Variants in TELO2 observed in about 807,000 individuals in gnomAD.
TELO2 encodes telomere length regulation protein TEL2 homolog.
TELO2 carries 71 observed loss-of-function variants against 91.0 expected under a neutral mutation model. The observed-to-expected ratio is 0.78, with a 90% confidence interval of 0.64 to 0.95. TELO2 has a LOEUF of 0.95. Ranked by LOEUF, TELO2 falls within the 40% of genes least tolerant of loss-of-function variation. The probability of loss-of-function intolerance (pLI) is 0.00; values close to 1 mark genes in which losing one functional copy is unlikely to be tolerated. For missense variants in TELO2, 1,183 were observed against 1,141.3 expected (o/e 1.04, Z -0.53); for synonymous variants, 584 against 518.9 (o/e 1.13, Z -1.71).
chr16:1,495,141 T>C (rs575189447), intron 2 of TELO2, among the ~76,000 whole-genome samples: 1 of 152,330 alleles, frequency 6.6e-6, no homozygotes, highest in South Asian at 2.1e-4. Flanking sequence ...GGGAAGCCGC[T>C]CAGGGCCCCG....
At position 1,505,208 on chromosome 16, in the gene TELO2, C is replaced by T. The variant is rs1314687963; in HGVS notation, c.1843-202C>T. ...TGTTCTCATCTCCTGGAGCACGGTG[C>T]CCACCTTCCCCACCTTCCCGCCTAC... On this transcript the variant is annotated intron_variant, in intron 15 of 20. Transcript: ENST00000262319. This position sits in a 1 kb window ranked among gnomAD's most constrained non-coding sequence, Gnocchi z 4.3. 3.7e-5 allele frequency: 22 copies of T among 597,070 alleles called. No individual in the cohort carries two copies. The East Asian group carries it at 5.4e-4, about 15-fold the overall frequency. The allele number at this position is 597,070 out of a possible 1,614,324, so 37.0% of individuals were successfully genotyped here. A position where few individuals can be genotyped will look rare whatever the true frequency, so the allele number is the denominator to read the frequency against.
chr16:1,495,636 C>T lies in TELO2; in HGVS notation c.613+13C>T. ...GACTCTCTCCAAGGTGAGGCCCTGCCTCGGGGACCCCCTTTGCCACCCGTC... is the reference window on the plus strand; with the variant it reads ...GACTCTCTCCAAGGTGAGGCCCTGCTTCGGGGACCCCCTTTGCCACCCGTC... On this transcript the variant is annotated intron_variant, in intron 3 of 20. Coordinates refer to ENST00000262319, the MANE Select transcript of TELO2 (RefSeq NM_016111.4). 1.3e-6 allele frequency: 2 copies of T among 1,572,192 alleles called. No individual in the cohort carries two copies. Among genetic ancestry groups the T allele is most frequent in the Non-Finnish European group, 1.7e-6 (2 of 1,154,900 alleles).
intron 6 of TELO2, among the ~76,000 whole-genome samples, chr16:1,499,803 G>A (rs966427118): frequency 3.3e-5 from 5 of 152,372 alleles, no homozygotes; most frequent in Non-Finnish European, 5.9e-5. Context: ...GAGAACTTAA[G>A]ATGGCGAGGC....
chr16:1,506,642 C>A (rs1003736740), intron 17 of TELO2: 2 of 1,377,726 alleles, frequency 1.5e-6, no homozygotes. Context: ...TCAGCCGGCG[C>A]TGCACTGGCC....
chr16:1,501,851 G>T, intron 11 of TELO2, 78 bp downstream of exon 11: 3 of 1,500,098 alleles, frequency 2.0e-6, no homozygotes, highest in Admixed American at 3.7e-5. Context: ...CTGCGGCCCC[G>T]TGGGGGGCTC....
rs1218227640 is a variant in TELO2 at position 1,505,227 on chromosome 16, C to T, written c.1843-183C>T. ...ACGGTGCCCACCTTCCCCACCTTCC[C>T]GCCTACCAAGGCGCGGTTGCTGTGA... On this transcript the variant is annotated intron_variant, in intron 15 of 20. Transcript: ENST00000262319. The surrounding 1 kb of genome is among the most constrained non-coding windows in gnomAD (Gnocchi z 4.3). The T allele has an allele frequency of 1.5e-5, 10 of 665,920 alleles. No individual in the cohort carries two copies. The highest frequency in any genetic ancestry group is 6.4e-5 in the South Asian group (3 of 47,040). The allele number at this position is 665,920 out of a possible 1,614,324, so 41.3% of individuals were successfully genotyped here.
At chr16:1,503,346 G>A (rs1305074701) in intron 15 of TELO2, among the ~76,000 whole-genome samples, 3 of 152,160 alleles carry the variant, frequency 2.0e-5, no homozygotes, top group East Asian at 1.9e-4. Flanking sequence ...CGGGAGGATC[G>A]CTGGAGCCCA....
At chr16:1,500,764 C>G (rs1194869900) in intron 9 of TELO2, 65 bp downstream of exon 9, 4 of 1,580,064 alleles carry the variant, frequency 2.5e-6, no homozygotes, top group Non-Finnish European at 3.4e-6. Flanking sequence ...GGCTGCCTCT[C>G]CAGCCCCAGG....
chr16:1,510,069 C>A lies in TELO2; in HGVS notation c.*133C>A. ...GCATCCGGTACGGAGAGTGCAGATG[C>A]AGGAAGGCCCGGCCTGCCGCTATTT... On this transcript the variant is annotated 3_prime_UTR_variant, in exon 21 of 21. Transcript: ENST00000262319. 1.4e-6 allele frequency: 1 copy of A among 720,958 alleles called. No homozygotes were observed. Among genetic ancestry groups the A allele is most frequent in the Admixed American group, 2.6e-5 (1 of 38,232 alleles). 44.7% of individuals were successfully genotyped at this position (720,958 alleles called of 1,614,324 possible). A position where few individuals can be genotyped will look rare whatever the true frequency, so the allele number is the denominator to read the frequency against.
chr16:1,500,504 G>A lies in TELO2; in HGVS notation c.1144+16G>A. On this transcript the variant is annotated intron_variant, in intron 8 of 20. Coordinates refer to ENST00000262319, the MANE Select transcript of TELO2 (RefSeq NM_016111.4). ...AGCCGGGATGGTGAGCGGGTGGTTT[G>A]GGCTCCCCCCGGCCTCGGGCGCCCC... The A allele has an allele frequency of 6.2e-7, 1 of 1,609,718 alleles. No homozygotes were observed. Among genetic ancestry groups the A allele is most frequent in the African/African-American group, 1.3e-5 (1 of 75,002 alleles).
rs929493489 is a variant in TELO2, at chr16:1,493,660, CTCCAGGTCTGGTTGGGTCGGG to C, written c.-37+64_-37+84del. 5.9e-5 allele frequency: 9 copies of C among 152,658 alleles called. No homozygotes were observed. The highest frequency in any genetic ancestry group is 2.2e-4 in the African/African-American group (9 of 41,436). The allele number at this position is 152,658 out of a possible 1,614,324, so 9.5% of individuals were successfully genotyped here. ...GGGGGTCCGGTTGGGTCGGGTTGGG[CTCCAGGTCTGGTTGGGTCGGG>C]TCCAGGTCGGGTAGGAGTCCGGTCG... On this transcript the variant is annotated intron_variant, in intron 1 of 20. Transcript: ENST00000262319. This position sits in a 1 kb window ranked among gnomAD's most constrained non-coding sequence, Gnocchi z 4.3.
intron 17 of TELO2, 76 bp downstream of exon 17, chr16:1,506,405 G>C: frequency 6.2e-7 from 1 of 1,610,938 alleles, no homozygotes; most frequent in Admixed American, 1.7e-5. Context: ...AAGAAGTTCG[G>C]GCTGGGATCT....
chr16:1,502,980 G>A lies in TELO2; in HGVS notation c.1820G>A (p.Arg607Gln), dbSNP rs200056783. The A allele has an allele frequency of 1.1e-5, 18 of 1,610,908 alleles. No individual in the cohort carries two copies. The highest frequency in any genetic ancestry group is 4.0e-5 in the African/African-American group (3 of 75,052). The change falls in exon 15 of 21, where the codon CGG becomes CAG. Residue 607 changes from arginine (R) to glutamine (Q), a missense_variant. Transcript: ENST00000262319. ...SQFYALNYSL[R>Q]QRMDILDVLT... ...TTCTATGCCCTCAACTACAGCCTCC[G>A]GCAGCGCATGGACATCCTGGATGTA...
At position 1,497,801 on chromosome 16, in the gene TELO2, C is replaced by G. The variant is rs2039548367; in HGVS notation, c.830+293C>G. On this transcript the variant is annotated intron_variant, in intron 5 of 20. Coordinates refer to ENST00000262319, the MANE Select transcript of TELO2 (RefSeq NM_016111.4). This position sits in a 1 kb window ranked among gnomAD's most constrained non-coding sequence, Gnocchi z 4.0. ...TCCTGCGCCTGTGGTCCCCCTCGCA[C>G]ACGTGTGCACCATGTCCAGGCTCTG... Among the ~76,000 whole-genome samples the G allele has an allele frequency of 6.6e-6, 1 of 152,192 alleles. No individual in the cohort carries two copies. The highest frequency in any genetic ancestry group is 2.4e-5 in the African/African-American group (1 of 41,430).
At chr16:1,504,572 T>TG (rs2039819216) in intron 15 of TELO2, among the ~76,000 whole-genome samples, 1 of 128,478 alleles carries the variant, frequency 7.8e-6, no homozygotes, top group Non-Finnish European at 1.7e-5. Context: ...TTTTTTTTTT[T>TG]TTTGAGACAG....
chr16:1,495,558 A>G lies in TELO2; in HGVS notation c.548A>G (p.Asn183Ser). Residue 183 changes from asparagine (N) to serine (S), a missense_variant, in exon 3 of 21, where the codon AAC becomes AGC. Transcript: ENST00000262319. ...AACTTGGCCGAGTTCTTCCCCCAGA[A>G]CTACTTCCGCCTGCTCGGCGAGGAG... ...QENLAEFFPQ[N>S]YFRLLGEEVV... 5 of 1,612,092 alleles carry G rather than the reference A, an allele frequency of 3.1e-6. No individual in the cohort carries two copies. Among genetic ancestry groups the G allele is most frequent in the Non-Finnish European group, 4.2e-6 (5 of 1,179,860 alleles).
rs775111373 is a variant in TELO2 at position 1,506,985 on chromosome 16, C to T, written c.2160C>T (p.Asp720=). The T allele has an allele frequency of 6.2e-7, 1 of 1,612,012 alleles. No homozygotes were observed. The stretch of plus-strand genomic sequence containing the variant: ...TGACCTTCGACCTCTTGGGAGAAGA[C>T]CAGCTGGTTCTCGGAAGGCTGGCGC... ...PLVTFDLLGE[D]QLVLGRLAHT... is the part of the protein sequence containing the mutation. The change falls in exon 18 of 21, where the codon GAC becomes GAT. Residue 720 remains aspartate, a synonymous_variant. Transcript: ENST00000262319.
intron 15 of TELO2, among the ~76,000 whole-genome samples, chr16:1,503,518 C>G (rs898657685): frequency 6.6e-6 from 1 of 152,148 alleles, no homozygotes; most frequent in African/African-American, 2.4e-5. Flanking sequence ...CCACCGCACT[C>G]CCGTGTGGGT....
chr16:1,510,012 C>T lies in TELO2; in HGVS notation c.*76C>T. 7.4e-7 allele frequency: 1 copy of T among 1,358,284 alleles called. No homozygotes were observed. Among genetic ancestry groups the T allele is most frequent in the South Asian group, 1.3e-5 (1 of 79,506 alleles). 84.1% of individuals were successfully genotyped at this position (1,358,284 alleles called of 1,614,324 possible). A position where few individuals can be genotyped will look rare whatever the true frequency, so the allele number is the denominator to read the frequency against. On this transcript the variant is annotated 3_prime_UTR_variant, in exon 21 of 21. Transcript: ENST00000262319. ...TGAGCAGCGGCCTGGAGCAGCAGAG[C>T]CAGGCTTTGTAGCGAGGCCAGGTCT...
Sources: gnomAD v4.1 joint callset for allele counts (sites outside exome capture counted in the v4.1 genomes callset) on GRCh38, gnomAD v4.1.1 for gene constraint, Gnocchi (gnomAD v3.1) non-coding constraint, MANE v1.5 for transcripts, NCBI Gene and HGNC (gene_info 2026-07-23, HGNC 2026-07-21) for gene names.